The following KLHL41 variants were observed in gnomAD, a reference collection of about 807,000 sequenced individuals.
KLHL41 encodes kelch-like protein 41.
KLHL41 carries 31 observed loss-of-function variants against 49.2 expected under a neutral mutation model. That is an observed-to-expected ratio of 0.63 (90% CI 0.47 to 0.85). The LOEUF is 0.85. KLHL41 is among the 40% of genes least tolerant of loss of function. KLHL41 has a pLI of 0.00. For synonymous variants in KLHL41, 218 were observed against 258.5 expected, an observed-to-expected ratio of 0.84 and a Z score of 1.50; for missense variants, 663 against 726.7, an observed-to-expected ratio of 0.91 and a Z score of 1.01.
chr2:169,509,794 G>A lies in KLHL41; in HGVS notation c.16G>A (p.Glu6Lys). The A allele has an allele frequency of 6.2e-7, 1 of 1,611,168 alleles. No individual in the cohort carries two copies. The highest frequency in any genetic ancestry group is 1.3e-5 in the African/African-American group (1 of 74,980). Residue 6 changes from glutamate to lysine, a missense_variant, in exon 1 of 6, where the codon GAA becomes AAA. Around this residue, in one of 3 missense-constraint regions of KLHL41, gnomAD observed 129 missense variants for 122.1 expected, o/e 1.06. Coordinates refer to ENST00000284669, the MANE Select transcript of KLHL41 (RefSeq NM_006063.3). MDSQR[E>K]LAEELRLYQS... ...TTCTCACAGAATGGATTCCCAGCGG[G>A]AACTTGCAGAGGAACTGCGGCTTTA...
intron 4 of KLHL41, among the ~76,000 whole-genome samples, chr2:169,519,421 C>T (rs12692912): frequency 0.89 from 134,913 of 152,222 alleles, 59,988 homozygotes; most frequent in East Asian, 0.98. Flanking sequence ...ATAATGTTTT[C>T]GAAGACTGTA....
rs147527225 is a variant in KLHL41, at chr2:169,510,430, G to T, written c.652G>T (p.Val218Leu). 1 of 1,613,946 alleles carries T rather than the reference G, an allele frequency of 6.2e-7. No individual in the cohort carries two copies. The highest frequency in any genetic ancestry group is 8.5e-7 in the Non-Finnish European group (1 of 1,180,032). ...AAACAGGGTTAAAAACCTTAGTGAAGTGTTTGATTGTATCCGTTTTCGCCT... is the reference window on the plus strand; with the variant it reads ...AAACAGGGTTAAAAACCTTAGTGAATTGTTTGATTGTATCCGTTTTCGCCT... ...KENRVKNLSE[V>L]FDCIRFRLMT... The change falls in exon 1 of 6, where the codon GTG becomes TTG. Residue 218 changes from valine (V) to leucine (L), a missense_variant. Val to Leu is a conservative substitution (Grantham distance 32). Transcript: ENST00000284669. The surrounding 1 kb of genome is among the most constrained non-coding windows in gnomAD (Gnocchi z 4.2).
intron 1 of KLHL41, 140 bp downstream of exon 1, chr2:169,511,028 G>A (rs1684022935): frequency 2.9e-6 from 2 of 701,170 alleles, no homozygotes; most frequent in South Asian, 1.9e-5. Flanking sequence ...CACTTTTGCT[G>A]TATAGAGCGT....
chr2:169,513,351 A>G (rs1303867261), intron 1 of KLHL41, among the ~76,000 whole-genome samples: 1 of 152,214 alleles, frequency 6.6e-6, no homozygotes, highest in African/African-American at 2.4e-5. Flanking sequence ...TGTGTAAAGC[A>G]TTTAGTTCAA....
chr2:169,512,010 G>A (rs1475155329), intron 1 of KLHL41, among the ~76,000 whole-genome samples: 1 of 152,134 alleles, frequency 6.6e-6, no homozygotes, highest in East Asian at 1.9e-4. Context: ...AGCTAATCAT[G>A]GCTGGGGCTT....
intron 3 of KLHL41, among the ~76,000 whole-genome samples, chr2:169,515,541 G>A (rs1417807339): frequency 6.6e-6 from 1 of 152,094 alleles, no homozygotes; most frequent in Non-Finnish European, 1.5e-5. Context: ...GTATTTCACT[G>A]ATTTATAATT....
chr2:169,511,211 A>G (rs1232410593), intron 1 of KLHL41, among the ~76,000 whole-genome samples: 1 of 152,130 alleles, frequency 6.6e-6, no homozygotes, highest in Non-Finnish European at 1.5e-5. Flanking sequence ...TTTAGTAAAA[A>G]CTAAATTTAT....
chr2:169,514,777 C>T (rs541388166), intron 2 of KLHL41, 46 bp downstream of exon 2: 15 of 1,593,398 alleles, frequency 9.4e-6, no homozygotes, highest in East Asian at 6.7e-5. Flanking sequence ...CAAGTATATG[C>T]GTGCCTACAA....
chr2:169,512,177 A>T (rs1051619191), intron 1 of KLHL41, among the ~76,000 whole-genome samples: 2 of 152,212 alleles, frequency 1.3e-5, no homozygotes, highest in African/African-American at 4.8e-5. Context: ...TAGTTGTGAT[A>T]ATACATATTA....
At chr2:169,520,174 G>A (rs946105404) in intron 4 of KLHL41, among the ~76,000 whole-genome samples, 1 of 144,692 alleles carries the variant, frequency 6.9e-6, no homozygotes, top group Non-Finnish European at 1.5e-5. Flanking sequence ...GTGTGTGTGT[G>A]TGTGTGTGTG....
intron 5 of KLHL41, among the ~76,000 whole-genome samples, chr2:169,522,687 C>T (rs1156763380): frequency 6.9e-6 from 1 of 144,816 alleles, no homozygotes; most frequent in Non-Finnish European, 1.5e-5. Context: ...ATCCCTAGTT[C>T]CTAAAACCTT....
chr2:169,522,235 C>T (rs1249533864), intron 5 of KLHL41, among the ~76,000 whole-genome samples: 8 of 152,150 alleles, frequency 5.3e-5, no homozygotes, highest in African/African-American at 1.9e-4. Flanking sequence ...AGATGCTGAA[C>T]TAAAAAGGCT....
At chr2:169,523,619 C>T (rs1684236422) in intron 5 of KLHL41, among the ~76,000 whole-genome samples, 1 of 152,118 alleles carries the variant, frequency 6.6e-6, no homozygotes, top group Non-Finnish European at 1.5e-5. Context: ...CCCTTCATAC[C>T]AATTAACTCA....
intron 5 of KLHL41, among the ~76,000 whole-genome samples, chr2:169,523,272 C>A (rs557847660): frequency 6.6e-6 from 1 of 152,176 alleles, no homozygotes; most frequent in Non-Finnish European, 1.5e-5. Context: ...GCGATTAGAG[C>A]AGTGGTTCCC....
At chr2:169,525,012 CT>C (rs1200413660) in intron 5 of KLHL41, among the ~76,000 whole-genome samples, 1 of 152,126 alleles carries the variant, frequency 6.6e-6, no homozygotes, top group East Asian at 1.9e-4. Flanking sequence ...TTATCTGTAT[CT>C]TTATAACCTT....
At chr2:169,523,263 C>T (rs1040760647) in intron 5 of KLHL41, among the ~76,000 whole-genome samples, 14 of 152,112 alleles carry the variant, frequency 9.2e-5, no homozygotes, top group South Asian at 2.1e-4. Flanking sequence ...GTTTATTTTG[C>T]GATTAGAGCA....
chr2:169,510,921 A>G lies in KLHL41; in HGVS notation c.1110+33A>G. ...GGACTTTTTGTATATGTAGTTGCTT[A>G]AAGGGAAGGCTGTTACTCACCATCC... On this transcript the variant is annotated intron_variant, in intron 1 of 5. Coordinates refer to ENST00000284669, the MANE Select transcript of KLHL41 (RefSeq NM_006063.3). This position sits in a 1 kb window ranked among gnomAD's most constrained non-coding sequence, Gnocchi z 4.2. The G allele has an allele frequency of 6.3e-7, 1 of 1,575,102 alleles. No homozygotes were observed. Among genetic ancestry groups the G allele is most frequent in the Non-Finnish European group, 8.7e-7 (1 of 1,155,856 alleles).
In KLHL41 at chr2:169,515,085, G is replaced by C. The variant is rs906772275; in HGVS notation, c.1376+124G>C. 162 of 584,848 alleles carry C rather than the reference G, an allele frequency of 2.8e-4. 1 individual carries two copies. Among genetic ancestry groups the C allele is most frequent in the Non-Finnish European group, 4.3e-4 (149 of 344,896 alleles). The allele number at this position is 584,848 out of a possible 1,614,324, so 36.2% of individuals were successfully genotyped here. On this transcript the variant is annotated intron_variant, in intron 3 of 5. Transcript: ENST00000284669. ...CTTCACTCTTGTTGCCCAGGCTGGA[G>C]TGCAGTGGTGTGATCTCGGCTCACT...
At position 169,518,224 on chromosome 2, in the gene KLHL41, A is replaced by G. The variant is rs746840461; in HGVS notation, c.1411A>G (p.Lys471Glu). Reference protein sequence around the residue: ...CTNRVFIFNPKKGDWKDLAPM... With the variant: ...CTNRVFIFNPEKGDWKDLAPM... ...AAACAGGGTGTTTATCTTCAACCCC[A>G]AAAAAGGAGATTGGAAAGATCTGGC... Residue 471 changes from lysine to glutamate, a missense_variant, in exon 4 of 6, where the codon AAA becomes GAA. Physicochemically the swap from Lys to Glu is moderately conservative, Grantham distance 56. Around this residue, in one of 3 missense-constraint regions of KLHL41, gnomAD observed 528 missense variants for 581.0 expected, o/e 0.91. Transcript: ENST00000284669. The G allele has an allele frequency of 6.2e-7, 1 of 1,612,932 alleles. No individual in the cohort carries two copies. Among genetic ancestry groups the G allele is most frequent in the Admixed American group, 1.7e-5 (1 of 59,920 alleles).
Sources: gnomAD v4.1 joint callset for allele counts (sites outside exome capture counted in the v4.1 genomes callset) on GRCh38, gnomAD v4.1.1 for gene constraint, gnomAD v4.1.1 regional missense constraint, Gnocchi (gnomAD v3.1) non-coding constraint, MANE v1.5 for transcripts, NCBI Gene and HGNC (gene_info 2026-07-23, HGNC 2026-07-21) for gene names.